The following GALNT17 variants were observed in gnomAD, a reference collection of about 807,000 sequenced individuals.
The protein encoded by GALNT17 is polypeptide N-acetylgalactosaminyltransferase 17.
A neutral mutation model predicts 63.7 loss-of-function variants in GALNT17; 29 were observed. The ratio of observed to expected loss-of-function variants is 0.46; its 90% confidence interval spans 0.34 to 0.62. GALNT17 has a LOEUF of 0.62. Among genes scored for constraint, GALNT17 ranks in the 20% least tolerant of loss-of-function variants. The pLI, the probability that GALNT17 is intolerant of heterozygous loss-of-function variation, is 0.01. For synonymous variants in GALNT17, 305 were observed against 318.3 expected (o/e 0.96, Z 0.45); for missense variants, 603 against 799.6 (o/e 0.75, Z 2.97).
chr7:71,302,849 G>A (rs1218913757), intron 1 of GALNT17, among the ~76,000 whole-genome samples: 1 of 152,036 alleles, frequency 6.6e-6, no homozygotes, highest in Non-Finnish European at 1.5e-5. Flanking sequence ...AGTGGATTAG[G>A]CGAGTCATAT....
chr7:71,258,930 A>G (rs781249507), intron 1 of GALNT17, among the ~76,000 whole-genome samples: 49 of 152,234 alleles, frequency 3.2e-4, no homozygotes, highest in Non-Finnish European at 4.1e-4. Context: ...AAGACATACA[A>G]AAGCATGGCT....
intron 5 of GALNT17, among the ~76,000 whole-genome samples, chr7:71,433,251 T>C (rs1786901235): frequency 6.6e-6 from 1 of 152,128 alleles, no homozygotes; most frequent in Non-Finnish European, 1.5e-5. Context: ...GAGCCCAGAC[T>C]CACCCCACTA....
intron 1 of GALNT17, among the ~76,000 whole-genome samples, chr7:71,289,212 T>C (rs1430218928): frequency 3.3e-5 from 5 of 152,048 alleles, no homozygotes; most frequent in Non-Finnish European, 7.4e-5. Flanking sequence ...CGTCTTTTTT[T>C]TTTTTTTTTT....
chr7:71,420,623 T>C lies in GALNT17; in HGVS notation c.765-285T>C, dbSNP rs1328943243. Among the ~76,000 whole-genome samples, 3 of 152,304 alleles carry C rather than the reference T, an allele frequency of 2.0e-5. No individual in the cohort carries two copies. In the East Asian group the frequency reaches 5.8e-4, roughly 30 times the overall value. On this transcript the variant is annotated intron_variant, in intron 4 of 10. Coordinates refer to ENST00000333538, the MANE Select transcript of GALNT17 (RefSeq NM_022479.3). ...GCACTTTCTTGGGAAGGAGACCCCA[T>C]GTTCTGAACTCCTCTTGCTCCAGGC...
chr7:71,152,452 T>A (rs1190540920), intron 1 of GALNT17, among the ~76,000 whole-genome samples: 1 of 152,138 alleles, frequency 6.6e-6, no homozygotes, highest in Non-Finnish European at 1.5e-5. Context: ...CTTTACAAGA[T>A]CTCAGCTTAG....
In GALNT17 at chr7:71,238,226, G is replaced by C. The variant is rs533342515; in HGVS notation, c.239-97324G>C. 2.6e-5 allele frequency among the ~76,000 whole-genome samples: 4 copies of C among 152,324 alleles called. No individual in the cohort carries two copies. In the East Asian group the frequency reaches 7.7e-4, roughly 29 times the overall value. ...GAGCCCCAGAGGAACTGAGCCAAGA[G>C]CAGTTACTTTCTTTTGCAGTATTTC... On this transcript the variant is annotated intron_variant, in intron 1 of 10. Coordinates refer to ENST00000333538, the MANE Select transcript of GALNT17 (RefSeq NM_022479.3).
At chr7:71,267,515 C>T (rs1790512795) in intron 1 of GALNT17, among the ~76,000 whole-genome samples, 1 of 152,048 alleles carries the variant, frequency 6.6e-6, no homozygotes, top group Non-Finnish European at 1.5e-5. Flanking sequence ...GCCTTCTTGC[C>T]TGTGTATTTT....
chr7:71,501,581 T>G (rs1788181289), intron 5 of GALNT17, among the ~76,000 whole-genome samples: 1 of 152,164 alleles, frequency 6.6e-6, no homozygotes, highest in Non-Finnish European at 1.5e-5. Flanking sequence ...TCTGTCTTTT[T>G]GTTGTATACA....
chr7:71,351,405 A>C (rs778812936), intron 2 of GALNT17, among the ~76,000 whole-genome samples: 2 of 152,124 alleles, frequency 1.3e-5, no homozygotes, highest in Non-Finnish European at 2.9e-5. Flanking sequence ...CCCCAAATTC[A>C]AGTCCATCTG....
At chr7:71,689,735 A>G (rs983015204) in intron 9 of GALNT17, among the ~76,000 whole-genome samples, 5 of 152,242 alleles carry the variant, frequency 3.3e-5, no homozygotes, top group African/African-American at 7.2e-5. Context: ...CAGATTTTCA[A>G]CGTAGACAGA....
chr7:71,376,435 T>G (rs964615475), intron 2 of GALNT17, among the ~76,000 whole-genome samples: 8 of 113,152 alleles, frequency 7.1e-5, no homozygotes, highest in South Asian at 6.9e-4. Context: ...GTTTTTTTTT[T>G]TTTTTTTTTT....
intron 4 of GALNT17, among the ~76,000 whole-genome samples, chr7:71,419,595 G>A (rs971690794): frequency 1.3e-5 from 2 of 152,220 alleles, no homozygotes; most frequent in Non-Finnish European, 2.9e-5. Context: ...ACTCCCACGG[G>A]AGAGGTGGTA....
Position 71,276,463 on chromosome 7 carries a change from G to A in GALNT17, c.239-59087G>A, listed in dbSNP as rs142003736. ...TGAATTGTAATAATCCCCACATGTC[G>A]TGGGAGGGACCCAGTGGGAGGTAAT... is the stretch of plus-strand genomic sequence containing the variant. On this transcript the variant is annotated intron_variant, in intron 1 of 10. Transcript: ENST00000333538. 7.9e-5 allele frequency among the ~76,000 whole-genome samples: 12 copies of A among 152,310 alleles called. No individual in the cohort carries two copies. In the South Asian group the frequency reaches 1.4e-3, roughly 18 times the overall value.
rs546232626 is a variant in GALNT17 at position 71,287,097 on chromosome 7, T to G, written c.239-48453T>G. Among the ~76,000 whole-genome samples the G allele has an allele frequency of 4.6e-5, 7 of 152,096 alleles. 1 individual carries two copies. In the South Asian group the frequency reaches 1.5e-3, roughly 32 times the overall value. On this transcript the variant is annotated intron_variant, in intron 1 of 10. Transcript: ENST00000333538. ...CCAGCTGCTTTTAAGTTCCTTTTTG[T>G]TTTGTTTTTTGAGACAAGGTCTCAC...
chr7:71,370,992 T>G (rs1048749655), intron 2 of GALNT17, among the ~76,000 whole-genome samples: 2 of 152,228 alleles, frequency 1.3e-5, no homozygotes, highest in Non-Finnish European at 2.9e-5. Context: ...GGTATCTGTA[T>G]TTGTTTTCAA....
intron 5 of GALNT17, among the ~76,000 whole-genome samples, chr7:71,461,836 G>A (rs1473869895): frequency 6.6e-6 from 1 of 152,076 alleles, no homozygotes; most frequent in Admixed American, 6.5e-5. Context: ...TGGCGCTCTC[G>A]GCCACAGATG....
At position 71,675,995 on chromosome 7, in the gene GALNT17, A is replaced by T. The variant is rs140782229; in HGVS notation, c.1405-1216A>T. 7.4e-3 allele frequency among the ~76,000 whole-genome samples: 1,131 copies of T among 152,326 alleles called. 12 individuals are homozygous for T. The highest frequency in any genetic ancestry group is 0.025 in the African/African-American group (1,054 of 41,572). On this transcript the variant is annotated intron_variant, in intron 8 of 10. Transcript: ENST00000333538. Reference sequence around the variant, plus strand: ...AAGAGCGAAACTCTGTCCCAAAAAAAGAAAAGAAAAGAAAAAGAACAAAAT... The same window carrying T: ...AAGAGCGAAACTCTGTCCCAAAAAATGAAAAGAAAAGAAAAAGAACAAAAT...
chr7:71,694,938 C>T (rs1168258944), intron 9 of GALNT17, among the ~76,000 whole-genome samples: 3 of 152,256 alleles, frequency 2.0e-5, no homozygotes, highest in African/African-American at 7.2e-5. Flanking sequence ...CTTGCTAGCA[C>T]GTCCACACTG....
intron 1 of GALNT17, among the ~76,000 whole-genome samples, chr7:71,177,580 G>A (rs1030000817): frequency 1.3e-5 from 2 of 152,100 alleles, no homozygotes; most frequent in Admixed American, 1.3e-4. Flanking sequence ...CAGGGCATTA[G>A]AGCTGCACTC....
Sources: allele counts gnomAD v4.1 joint callset (sites outside exome capture counted in the v4.1 genomes callset), GRCh38; gene constraint gnomAD v4.1.1; transcripts MANE v1.5; gene names NCBI Gene and HGNC (gene_info 2026-07-23, HGNC 2026-07-21).